The following POLR2J variants were observed in gnomAD, a reference collection of about 807,000 sequenced individuals.
POLR2J encodes DNA-directed RNA polymerase II subunit RPB11-a.
In POLR2J, 12 loss-of-function variants were observed where a neutral mutation model predicts 13.4. That is an observed-to-expected ratio of 0.90 (90% CI 0.57 to 1.45). The LOEUF is 1.45. Among genes scored for constraint, POLR2J ranks in the 40% most tolerant of loss-of-function variants. The pLI, the probability that POLR2J is intolerant of heterozygous loss-of-function variation, is 0.00. For synonymous variants in POLR2J, 31 were observed against 53.6 expected (o/e 0.58, Z 1.84); for missense variants, 58 against 132.0 (o/e 0.44, Z 2.75).
chr7:102,473,439 C>CTCAAG lies in POLR2J; in HGVS notation c.*205_*209dup, dbSNP rs1418781964. 26 of 682,242 alleles carry CTCAAG rather than the reference C, an allele frequency of 3.8e-5. No homozygotes were observed. Among genetic ancestry groups the CTCAAG allele is most frequent in the Non-Finnish European group, 5.4e-5 (24 of 444,784 alleles). 42.3% of individuals were successfully genotyped at this position (682,242 alleles called of 1,614,324 possible). On this transcript the variant is annotated 3_prime_UTR_variant, in exon 4 of 4. Coordinates refer to ENST00000292614, the MANE Select transcript of POLR2J (RefSeq NM_006234.6). Reference sequence around the variant, plus strand: ...CCATTTGCTTGCGAAGTCACCGCTGCTCAAGTCCACATCCAGGTCTCTCCC... The same window carrying CTCAAG: ...CCATTTGCTTGCGAAGTCACCGCTGCTCAAGTCAAGTCCACATCCAGGTCTCTCCC...
At chr7:102,473,906 G>T (rs1798327171) in intron 3 of POLR2J, 2 of 1,436,694 alleles carry the variant, frequency 1.4e-6, no homozygotes. Flanking sequence ...GCTTCCTGGT[G>T]AGCAGACGAC....
At position 102,473,696 on chromosome 7, in the gene POLR2J, G is replaced by A. The variant is rs752464126; in HGVS notation, c.319-12C>T. 13 of 1,613,662 alleles carry A rather than the reference G, an allele frequency of 8.1e-6. No individual in the cohort carries two copies. The highest frequency in any genetic ancestry group is 1.1e-5 in the South Asian group (1 of 91,064). On this transcript the variant is annotated splice_polypyrimidine_tract_variant and intron_variant, in intron 3 of 3. Coordinates refer to ENST00000292614, the MANE Select transcript of POLR2J (RefSeq NM_006234.6). ...TCTTTTATGGCCACCTGGGAGAGAAGAAGGTGGTGGAGACTGAGCTGGAAC... is the reference window on the plus strand; with the variant it reads ...TCTTTTATGGCCACCTGGGAGAGAAAAAGGTGGTGGAGACTGAGCTGGAAC...
chr7:102,474,022 C>T (rs1586748602), intron 3 of POLR2J: 4 of 1,440,212 alleles, frequency 2.8e-6, no homozygotes, highest in East Asian at 5.0e-5. Flanking sequence ...GGTGAGCTGC[C>T]TCCCAGAGAC....
Position 102,476,967 on chromosome 7 carries a change from G to A in POLR2J, c.54-697C>T, listed in dbSNP as rs545222365. 3.0e-4 allele frequency among the ~76,000 whole-genome samples: 28 copies of A among 93,594 alleles called. 4 individuals carry two copies. In the South Asian group the frequency reaches 8.9e-3, roughly 30 times the overall value. The allele number at this position is 93,594 out of a possible 152,430, so 61.4% of individuals were successfully genotyped here. ...CCGCCTTAGCCTCCTGAGTAGCTGG[G>A]ACCACAGGCGCACGTCATCATGCCT... On this transcript the variant is annotated intron_variant, in intron 1 of 3. Transcript: ENST00000292614.
At chr7:102,473,815 G>T (rs1798322015) in intron 3 of POLR2J, 131 bp from the exon 4 acceptor site, 1 of 1,485,560 alleles carries the variant, frequency 6.7e-7, no homozygotes, top group South Asian at 1.4e-5. Context: ...CCAGGACAGT[G>T]GAGCAGCCAA....
At position 102,473,603 on chromosome 7, in the gene POLR2J, C is replaced by G. The variant is rs138572994; in HGVS notation, c.*46G>C. ...GGTACCTGGAGCGGAGGGTCAGGCA[C>G]AGGTAGGAACGGGGCTCACAGGCCG... On this transcript the variant is annotated 3_prime_UTR_variant, in exon 4 of 4. Coordinates refer to ENST00000292614, the MANE Select transcript of POLR2J (RefSeq NM_006234.6). 1,105 of 1,600,116 alleles carry G rather than the reference C, an allele frequency of 6.9e-4. 2 individuals carry two copies. In the African/African-American group the frequency reaches 0.013, roughly 19 times the overall value.
rs754879772 is a variant in POLR2J, at chr7:102,473,691, G to A, written c.319-7C>T. 5.0e-6 allele frequency: 8 copies of A among 1,613,740 alleles called. No individual in the cohort carries two copies. Among genetic ancestry groups the A allele is most frequent in the Non-Finnish European group, 5.9e-6 (7 of 1,179,890 alleles). ...GCTTGTCTTTTATGGCCACCTGGGAGAGAAGAAGGTGGTGGAGACTGAGCT... is the reference window on the plus strand; with the variant it reads ...GCTTGTCTTTTATGGCCACCTGGGAAAGAAGAAGGTGGTGGAGACTGAGCT... On this transcript the variant is annotated splice_region_variant and splice_polypyrimidine_tract_variant and intron_variant, in intron 3 of 3. Coordinates refer to ENST00000292614, the MANE Select transcript of POLR2J (RefSeq NM_006234.6).
In POLR2J at chr7:102,476,606, T is replaced by C. The variant is rs1798440581; in HGVS notation, c.54-336A>G. 4.7e-5 allele frequency among the ~76,000 whole-genome samples: 6 copies of C among 128,762 alleles called. No homozygotes were observed. The South Asian group carries it at 1.2e-3, about 25-fold the overall frequency. The allele number at this position is 128,762 out of a possible 152,430, so 84.5% of individuals were successfully genotyped here. A position where few individuals can be genotyped will look rare whatever the true frequency, so the allele number is the denominator to read the frequency against. ...GTGAGCCGAGATCATGCCACTGCAC[T>C]CCAGCCTGGGCAACAGAGTGGAACT... On this transcript the variant is annotated intron_variant, in intron 1 of 3. Coordinates refer to ENST00000292614, the MANE Select transcript of POLR2J (RefSeq NM_006234.6).
At chr7:102,475,234 A>G (rs1454880320) in intron 2 of POLR2J, among the ~76,000 whole-genome samples, 1 of 152,224 alleles carries the variant, frequency 6.6e-6, no homozygotes, top group East Asian at 1.9e-4. Context: ...GGCAGACCCC[A>G]CTCACAGACG....
chr7:102,475,767 C>T (rs1175969688), intron 2 of POLR2J, among the ~76,000 whole-genome samples: 1 of 151,162 alleles, frequency 6.6e-6, no homozygotes, highest in Non-Finnish European at 1.5e-5. Context: ...ACTAAAAACA[C>T]AAAAATTAGC....
At chr7:102,474,738 A>ATGAGGTTG (rs1232782358) in intron 2 of POLR2J, among the ~76,000 whole-genome samples, 1 of 117,458 alleles carries the variant, frequency 8.5e-6, no homozygotes, top group Non-Finnish European at 2.1e-5. Context: ...CTCTGCATCC[A>ATGAGGTTG]TGAGGTTGAA....
intron 3 of POLR2J, chr7:102,474,109 C>A (rs9691416): frequency 1.0e-5 from 15 of 1,473,642 alleles, no homozygotes; most frequent in East Asian, 2.5e-5. Context: ...GTCCCCGCCC[C>A]GATCTGGCCC....
chr7:102,473,958 A>G (rs187474922), intron 3 of POLR2J: 4 of 1,434,728 alleles, frequency 2.8e-6, no homozygotes, highest in African/African-American at 2.9e-5. Flanking sequence ...TTTCCCCTCT[A>G]AACTGTTCTA....
chr7:102,478,484 G>A (rs1360323478), intron 1 of POLR2J, among the ~76,000 whole-genome samples: 1 of 151,918 alleles, frequency 6.6e-6, no homozygotes, highest in Non-Finnish European at 1.5e-5. Flanking sequence ...GATGGAGGTG[G>A]CGGGCGAGAG....
chr7:102,473,398 C>CATCA lies in POLR2J; in HGVS notation c.*247_*250dup. On this transcript the variant is annotated 3_prime_UTR_variant, in exon 4 of 4. Transcript: ENST00000292614. ...GCCCCTGAAACAGGTCATCTGCCTG[C>CATCA]ATCAAGCCTGACAATCCATTTGCTT... The CATCA allele has an allele frequency of 1.8e-6, 1 of 570,546 alleles. No individual in the cohort carries two copies. The highest frequency in any genetic ancestry group is 2.9e-6 in the Non-Finnish European group (1 of 341,938). The allele number at this position is 570,546 out of a possible 1,614,324, so 35.3% of individuals were successfully genotyped here. A position where few individuals can be genotyped will look rare whatever the true frequency, so the allele number is the denominator to read the frequency against.
In POLR2J at chr7:102,473,332, G is replaced by A. The variant is rs919360446; in HGVS notation, c.*317C>T. 2.7e-5 allele frequency: 15 copies of A among 562,116 alleles called. No homozygotes were observed. In the Admixed American group the frequency reaches 3.0e-4, roughly 11 times the overall value. 34.8% of individuals were successfully genotyped at this position (562,116 alleles called of 1,614,324 possible). The stretch of plus-strand genomic sequence containing the variant: ...GCCCCCGCAGCAGCCCCTGGACCCC[G>A]GATCTTTGGTCCAGAATGAATTCAT... On this transcript the variant is annotated 3_prime_UTR_variant, in exon 4 of 4. Transcript: ENST00000292614.
rs1554580820 is a variant in POLR2J, at chr7:102,473,522, G to A, written c.*127C>T. On this transcript the variant is annotated 3_prime_UTR_variant, in exon 4 of 4. Coordinates refer to ENST00000292614, the MANE Select transcript of POLR2J (RefSeq NM_006234.6). ...TATGTACAGGACACGTCGGTGTCAG[G>A]GTGAGGGGTGGCCACAAGGCGGGCC... 2 of 1,431,312 alleles carry A rather than the reference G, an allele frequency of 1.4e-6. No homozygotes were observed. The highest frequency in any genetic ancestry group is 1.9e-6 in the Non-Finnish European group (2 of 1,054,826). 88.7% of individuals were successfully genotyped at this position (1,431,312 alleles called of 1,614,324 possible). A position where few individuals can be genotyped will look rare whatever the true frequency, so the allele number is the denominator to read the frequency against.
At chr7:102,474,059 C>G (rs765106666) in intron 3 of POLR2J, 1 of 1,404,906 alleles carries the variant, frequency 7.1e-7, no homozygotes. Context: ...TTGCCAATCA[C>G]CAACAAGGGA....
intron 3 of POLR2J, 27 bp from the exon 4 acceptor site, chr7:102,473,711 T>A (rs565463742): frequency 1.2e-6 from 2 of 1,613,410 alleles, no homozygotes; most frequent in Admixed American, 1.7e-5. Context: ...TGGTGGAGAC[T>A]GAGCTGGAAC....
Sources: allele counts gnomAD v4.1 joint callset (sites outside exome capture counted in the v4.1 genomes callset), GRCh38; gene constraint gnomAD v4.1.1; transcripts MANE v1.5; gene names NCBI Gene and HGNC (gene_info 2026-07-23, HGNC 2026-07-21).